IPO9: variants seen among roughly 807,000 people sequenced by gnomAD.
The protein encoded by IPO9 is importin-9.
In IPO9, 28 loss-of-function variants were observed where a neutral mutation model predicts 128.6. That is an observed-to-expected ratio of 0.22 (90% CI 0.16 to 0.30). The LOEUF (loss-of-function observed/expected upper bound fraction) is 0.30. Among genes scored for constraint, IPO9 ranks in the 10% least tolerant of loss-of-function variants. The pLI, the probability that IPO9 is intolerant of heterozygous loss-of-function variation, is 1.00. For missense variants in IPO9, 935 were observed against 1,293.9 expected, an observed-to-expected ratio of 0.72 and a Z score of 4.26; for synonymous variants, 455 against 475.8, an observed-to-expected ratio of 0.96 and a Z score of 0.57.
At chr1:201,841,277 C>A (rs1167091652) in intron 1 of IPO9, among the ~76,000 whole-genome samples, 1 of 152,054 alleles carries the variant, frequency 6.6e-6, no homozygotes, top group South Asian at 2.1e-4. Context: ...AATTGTAGTT[C>A]AATTAATAGG....
chr1:201,852,170 A>G lies in IPO9; in HGVS notation c.581A>G (p.Tyr194Cys). Residue 194 changes from tyrosine to cysteine, a missense_variant, in exon 5 of 24, where the codon TAT becomes TGT. Around this residue, in one of 3 missense-constraint regions of IPO9, gnomAD observed 741 missense variants for 1,019.1 expected, o/e 0.73. Coordinates refer to ENST00000361565, the MANE Select transcript of IPO9 (RefSeq NM_018085.5). Reference protein sequence around the residue: ...LVAPVILPEMYKIFTMAEVYG... With the variant: ...LVAPVILPEMCKIFTMAEVYG... Reference sequence around the variant, plus strand: ...GCTCCTGTCATTCTCCCAGAGATGTATAAGATCTTCACCATGGCTGAGGTA... The same window carrying G: ...GCTCCTGTCATTCTCCCAGAGATGTGTAAGATCTTCACCATGGCTGAGGTA... 3.1e-6 allele frequency: 5 copies of G among 1,611,474 alleles called. No individual in the cohort carries two copies. Among genetic ancestry groups the G allele is most frequent in the Non-Finnish European group, 4.2e-6 (5 of 1,177,668 alleles).
rs992374489 is a variant in IPO9 at position 201,876,888 on chromosome 1, A to C, written c.*834A>C. On this transcript the variant is annotated 3_prime_UTR_variant, in exon 24 of 24. Transcript: ENST00000361565. ...ATCCCCTTTCCCTCAGGAAGCCTCT[A>C]AAGTGCTTAAGTTGTAGCCCTCAAA... The C allele has an allele frequency of 6.5e-6, 1 of 152,762 alleles. No individual in the cohort carries two copies. Among genetic ancestry groups the C allele is most frequent in the Non-Finnish European group, 1.5e-5 (1 of 68,046 alleles). The allele number at this position is 152,762 out of a possible 1,614,324, so 9.5% of individuals were successfully genotyped here. A position where few individuals can be genotyped will look rare whatever the true frequency, so the allele number is the denominator to read the frequency against.
In IPO9 at chr1:201,868,664, A is replaced by G. The variant is rs145595979; in HGVS notation, c.1872A>G (p.Ser624=). The stretch of plus-strand genomic sequence containing the variant: ...CCACTTCAGATCCCGTCGTCGCCTC[A>G]CTGGCTCAGGACATCTTCAAGGAGC... The part of the protein sequence containing the change: ...LKYSNDPVVA[S]LAQDIFKELS... The change falls in exon 16 of 24, where the codon TCA becomes TCG. Residue 624 remains serine, a synonymous_variant. Transcript: ENST00000361565. The G allele has an allele frequency of 5.6e-6, 9 of 1,613,644 alleles. No individual in the cohort carries two copies. In the African/African-American group the frequency reaches 1.1e-4, roughly 19 times the overall value.
chr1:201,876,372 G>A lies in IPO9; in HGVS notation c.*318G>A. 1 of 454,378 alleles carries A rather than the reference G, an allele frequency of 2.2e-6. No homozygotes were observed. The highest frequency in any genetic ancestry group is 4.1e-6 in the Non-Finnish European group (1 of 243,690). 28.1% of individuals were successfully genotyped at this position (454,378 alleles called of 1,614,324 possible). A position where few individuals can be genotyped will look rare whatever the true frequency, so the allele number is the denominator to read the frequency against. On this transcript the variant is annotated 3_prime_UTR_variant, in exon 24 of 24. Coordinates refer to ENST00000361565, the MANE Select transcript of IPO9 (RefSeq NM_018085.5). ...GTCCAGAAACATTATTGCCCAGAAG[G>A]ATTATGTGTTTATGGATTATTTTGC...
At chr1:201,869,750 G>A (rs1680614468) in intron 17 of IPO9, 32 bp downstream of exon 17, 3 of 1,611,648 alleles carry the variant, frequency 1.9e-6, no homozygotes, top group African/African-American at 2.7e-5. Flanking sequence ...GAAGAGGGAA[G>A]ATAGCTCCCC....
chr1:201,839,475 G>A (rs953722967), intron 1 of IPO9, among the ~76,000 whole-genome samples: 2 of 151,368 alleles, frequency 1.3e-5, no homozygotes, highest in Non-Finnish European at 2.9e-5. Flanking sequence ...GCAGGAGAAT[G>A]GCGGGAACCT....
At chr1:201,839,718 G>T (rs1292576355) in intron 1 of IPO9, among the ~76,000 whole-genome samples, 1 of 152,014 alleles carries the variant, frequency 6.6e-6, no homozygotes, top group Non-Finnish European at 1.5e-5. Flanking sequence ...GAAAACATGG[G>T]TGATTTTGTC....
chr1:201,872,202 C>T (rs139495722), intron 19 of IPO9, among the ~76,000 whole-genome samples: 1 of 152,022 alleles, frequency 6.6e-6, no homozygotes, highest in African/African-American at 2.4e-5. Context: ...GGGCGACGAG[C>T]GAAATTGTCT....
At position 201,858,495 on chromosome 1, in the gene IPO9, G is replaced by A. The variant is rs201551339; in HGVS notation, c.1270G>A (p.Ala424Thr). The change falls in exon 12 of 24, where the codon GCA becomes ACA. Residue 424 changes from alanine (A) to threonine (T), a missense_variant. Physicochemically the swap from Ala to Thr is moderately conservative, Grantham distance 58. Transcript: ENST00000361565. Reference sequence around the variant, plus strand: ...TGAAAGTGCAGCAGCCCTGGCTGCTGCAGCCACTCGACATTTACAAGAAGC... The same window carrying A: ...TGAAAGTGCAGCAGCCCTGGCTGCTACAGCCACTCGACATTTACAAGAAGC... Reference protein sequence around the residue: ...QNESAAALAAAATRHLQEAEQ... With the variant: ...QNESAAALAATATRHLQEAEQ... The A allele has an allele frequency of 1.9e-6, 3 of 1,561,356 alleles. No homozygotes were observed. The highest frequency in any genetic ancestry group is 3.6e-5 in the Admixed American group (2 of 55,186).
At chr1:201,831,941 G>A (rs949590191) in intron 1 of IPO9, among the ~76,000 whole-genome samples, 5 of 151,880 alleles carry the variant, frequency 3.3e-5, no homozygotes, top group South Asian at 4.2e-4. Context: ...TCAGTCTGTC[G>A]CCCAGGCTGG....
At chr1:201,874,186 CAG>C in intron 20 of IPO9, 62 bp from the exon 21 acceptor site, 3 of 1,580,698 alleles carry the variant, frequency 1.9e-6, no homozygotes, top group Non-Finnish European at 2.6e-6. Context: ...GAGGAGAGGA[CAG>C]GGGTACTTCC....
At chr1:201,832,268 T>C (rs1679849851) in intron 1 of IPO9, among the ~76,000 whole-genome samples, 1 of 151,314 alleles carries the variant, frequency 6.6e-6, no homozygotes, top group African/African-American at 2.4e-5. Context: ...TTTTTTTTTT[T>C]TGAGACCGAG....
In IPO9 at chr1:201,866,814, C is replaced by T. The variant is rs761503232; in HGVS notation, c.1710C>T (p.His570=). The change falls in exon 15 of 24, where the codon CAC becomes CAT. Residue 570 remains histidine, a synonymous_variant. Coordinates refer to ENST00000361565, the MANE Select transcript of IPO9 (RefSeq NM_018085.5). ...CCAGCATCCTTGATGGCTTAATTCA[C>T]CTAGCAGCCCAGTTCAGCTCAGAGG... ...FLPSILDGLI[H]LAAQFSSEVL... 1 of 1,614,172 alleles carries T rather than the reference C, an allele frequency of 6.2e-7. No homozygotes were observed. Among genetic ancestry groups the T allele is most frequent in the Non-Finnish European group, 8.5e-7 (1 of 1,180,034 alleles).
chr1:201,866,642 A>G, intron 14 of IPO9, 91 bp from the exon 15 acceptor site: 2 of 941,120 alleles, frequency 2.1e-6, no homozygotes, highest in South Asian at 3.0e-5. Flanking sequence ...TTATAAAGCT[A>G]CACATACAAA....
chr1:201,876,505 T>C lies in IPO9; in HGVS notation c.*451T>C. On this transcript the variant is annotated 3_prime_UTR_variant, in exon 24 of 24. Coordinates refer to ENST00000361565, the MANE Select transcript of IPO9 (RefSeq NM_018085.5). Reference sequence around the variant, plus strand: ...AGATAGGAATCCTCATGAGAGATCATTATGCTTTGTGCCCTGGACCACTGC... The same window carrying C: ...AGATAGGAATCCTCATGAGAGATCACTATGCTTTGTGCCCTGGACCACTGC... 1 of 277,850 alleles carries C rather than the reference T, an allele frequency of 3.6e-6. No homozygotes were observed. Among genetic ancestry groups the C allele is most frequent in the South Asian group, 3.7e-5 (1 of 26,770 alleles). The allele number at this position is 277,850 out of a possible 1,614,324, so 17.2% of individuals were successfully genotyped here.
chr1:201,872,626 A>C (rs1237991982), intron 19 of IPO9, among the ~76,000 whole-genome samples: 2 of 151,870 alleles, frequency 1.3e-5, no homozygotes, highest in African/African-American at 4.8e-5. Flanking sequence ...AACAACAACA[A>C]CAACAAAAAA....
intron 1 of IPO9, among the ~76,000 whole-genome samples, chr1:201,840,880 A>G (rs1431630743): frequency 6.6e-6 from 1 of 152,230 alleles, no homozygotes; most frequent in Non-Finnish European, 1.5e-5. Flanking sequence ...AAAGAAAATC[A>G]GAAACTGATT....
At chr1:201,855,702 G>T in intron 9 of IPO9, 81 bp from the exon 10 acceptor site, 1 of 1,241,360 alleles carries the variant, frequency 8.1e-7, no homozygotes, top group Non-Finnish European at 1.1e-6. Context: ...AATTTACAAA[G>T]GTTATGTAGT....
At chr1:201,836,207 A>AT (rs1679920174) in intron 1 of IPO9, among the ~76,000 whole-genome samples, 2 of 151,876 alleles carry the variant, frequency 1.3e-5, no homozygotes, top group Non-Finnish European at 2.9e-5. Context: ...TTTTTAACAA[A>AT]TATACTTAGT....
Sources: allele counts gnomAD v4.1 joint callset (sites outside exome capture counted in the v4.1 genomes callset), GRCh38; gene constraint gnomAD v4.1.1; regional missense constraint gnomAD v4.1.1; transcripts MANE v1.5; gene names NCBI Gene and HGNC (gene_info 2026-07-23, HGNC 2026-07-21).